The following RYR3 variants were observed in gnomAD, a reference collection of about 807,000 sequenced individuals.
The protein encoded by RYR3 is ryanodine receptor 3.
RYR3 carries 207 observed loss-of-function variants against 584.3 expected under a neutral mutation model. The observed-to-expected ratio is 0.35, with a 90% confidence interval of 0.32 to 0.40. RYR3 has a LOEUF of 0.40. Among genes scored for constraint, RYR3 ranks in the 10% least tolerant of loss-of-function variants. The pLI is 1.00. For synonymous variants in RYR3, 2,416 were observed against 2,248.5 expected (o/e 1.07, Z -2.11); for missense variants, 5,616 against 6,089.2 (o/e 0.92, Z 2.59).
chr15:33,848,408 G>C lies in RYR3; in HGVS notation c.13615G>C (p.Val4539Leu). The C allele has an allele frequency of 6.2e-7, 1 of 1,612,956 alleles. No homozygotes were observed. The highest frequency in any genetic ancestry group is 1.7e-5 in the Admixed American group (1 of 59,914). The change falls in exon 94 of 104, where the codon GTG (valine) becomes CTG (leucine). Residue 4539 changes from valine to leucine, a missense_variant. By Grantham distance (32) the Val-to-Leu change is conservative (BLOSUM62 1). Transcript: ENST00000634891. ...CATCAAGGGGCAGTGGGACCGCTTG[G>C]TGATCAACACACCGTGAGTGTCCCT... ...DDIKGQWDRL[V>L]INTPSFPNNY...
intron 14 of RYR3, among the ~76,000 whole-genome samples, chr15:33,583,218 C>T (rs2058681418): frequency 6.6e-6 from 1 of 152,134 alleles, no homozygotes. Flanking sequence ...ATCCAGGGAC[C>T]ATGACTCAAG....
At chr15:33,621,948 A>G (rs2060746282) in intron 19 of RYR3, among the ~76,000 whole-genome samples, 1 of 152,158 alleles carries the variant, frequency 6.6e-6, no homozygotes, top group East Asian at 1.9e-4. Context: ...TTGCCAAATC[A>G]TAACTTTTCT....
At chr15:33,858,143 G>A (rs552883636) in intron 99 of RYR3, 136 of 562,000 alleles carry the variant, frequency 2.4e-4, no homozygotes, top group Non-Finnish European at 3.8e-4. Context: ...TAAGCCCCGT[G>A]GAAAGGGAAG....
Position 33,798,851 on chromosome 15 carries a change from A to G in RYR3, c.9831-1919A>G, listed in dbSNP as rs557458455. 2.1e-3 allele frequency among the ~76,000 whole-genome samples: 326 copies of G among 152,326 alleles called. 1 individual carries two copies. Among genetic ancestry groups the G allele is most frequent in the African/African-American group, 7.5e-3 (312 of 41,570 alleles). On this transcript the variant is annotated intron_variant, in intron 67 of 103. Coordinates refer to ENST00000634891, the MANE Select transcript of RYR3 (RefSeq NM_001036.6). ...AAGGGCAGTAAGGAATTCAGGAGATAAGAGAAGGATCCCAAAGTGATCTTG... is the reference window on the plus strand; with the variant it reads ...AAGGGCAGTAAGGAATTCAGGAGATGAGAGAAGGATCCCAAAGTGATCTTG...
intron 1 of RYR3, among the ~76,000 whole-genome samples, chr15:33,317,377 C>T (rs1968336209): frequency 2.0e-5 from 3 of 152,146 alleles, no homozygotes; most frequent in Admixed American, 2.0e-4. Flanking sequence ...GAGAGCCCAG[C>T]CAGTGGTGAG....
At chr15:33,713,205 ATGG>A (rs2067243850) in intron 43 of RYR3, among the ~76,000 whole-genome samples, 1 of 152,006 alleles carries the variant, frequency 6.6e-6, no homozygotes, top group Non-Finnish European at 1.5e-5. Flanking sequence ...ATGGTAGATG[ATGG>A]TGGGTGGTGG....
intron 2 of RYR3, among the ~76,000 whole-genome samples, chr15:33,498,814 T>C (rs527732601): frequency 6.6e-6 from 1 of 152,336 alleles, no homozygotes; most frequent in Non-Finnish European, 1.5e-5. Flanking sequence ...TTTCCAGTCT[T>C]GCATTTAAGT....
At chr15:33,425,739 T>TCC (rs2044575180) in intron 1 of RYR3, among the ~76,000 whole-genome samples, 1 of 148,536 alleles carries the variant, frequency 6.7e-6, no homozygotes, top group Non-Finnish European at 1.5e-5. Flanking sequence ...CCTCCCGGGT[T>TCC]CATGCCATTC....
chr15:33,738,765 T>C (rs765210308), intron 50 of RYR3, among the ~76,000 whole-genome samples, 175 bp downstream of exon 50: 1 of 152,204 alleles, frequency 6.6e-6, no homozygotes, highest in African/African-American at 2.4e-5. Context: ...TCAAAATCCT[T>C]ATTTTACAGG....
chr15:33,742,352 T>C lies in RYR3; in HGVS notation c.7821-14T>C, dbSNP rs752397403. On this transcript the variant is annotated splice_polypyrimidine_tract_variant and intron_variant, in intron 51 of 103. Coordinates refer to ENST00000634891, the MANE Select transcript of RYR3 (RefSeq NM_001036.6). Reference sequence around the variant, plus strand: ...TGCTTGGGGAGGTTGTAATTTTTTTTCCTCATTTCACAGTTTTTCCTTGCC... The same window carrying C: ...TGCTTGGGGAGGTTGTAATTTTTTTCCCTCATTTCACAGTTTTTCCTTGCC... The C allele has an allele frequency of 6.3e-7, 1 of 1,586,628 alleles. No individual in the cohort carries two copies. The highest frequency in any genetic ancestry group is 1.1e-5 in the South Asian group (1 of 90,476).
intron 1 of RYR3, among the ~76,000 whole-genome samples, chr15:33,421,519 T>C (rs1207070708): frequency 6.6e-6 from 1 of 152,146 alleles, no homozygotes; most frequent in African/African-American, 2.4e-5. Flanking sequence ...AGGAAGCCTC[T>C]AGGATGATGT....
At chr15:33,446,490 T>C (rs1369524107) in intron 1 of RYR3, among the ~76,000 whole-genome samples, 3 of 152,290 alleles carry the variant, frequency 2.0e-5, no homozygotes, top group African/African-American at 7.2e-5. Flanking sequence ...ACAGATTTGG[T>C]TTCTTCTGAG....
At position 33,462,185 on chromosome 15, in the gene RYR3, A is replaced by G. The variant is rs189393147; in HGVS notation, c.52-11234A>G. ...TTTCATTAACATCTACTAACTTTATAGAGCATCTTTTTTTGAAAAAGGTAG... is the reference window on the plus strand; with the variant it reads ...TTTCATTAACATCTACTAACTTTATGGAGCATCTTTTTTTGAAAAAGGTAG... On this transcript the variant is annotated intron_variant, in intron 1 of 103. Coordinates refer to ENST00000634891, the MANE Select transcript of RYR3 (RefSeq NM_001036.6). Among the ~76,000 whole-genome samples, 9 of 152,324 alleles carry G rather than the reference A, an allele frequency of 5.9e-5. No individual in the cohort carries two copies. The East Asian group carries it at 1.7e-3, about 29-fold the overall frequency.
chr15:33,795,794 G>A (rs1243492429), intron 67 of RYR3, among the ~76,000 whole-genome samples: 1 of 152,166 alleles, frequency 6.6e-6, no homozygotes, highest in Non-Finnish European at 1.5e-5. Flanking sequence ...GCCTCCCAAA[G>A]TGCTGGGATT....
intron 84 of RYR3, among the ~76,000 whole-genome samples, chr15:33,826,984 A>G (rs1338031346): frequency 6.6e-6 from 1 of 152,222 alleles, no homozygotes; most frequent in African/African-American, 2.4e-5. Context: ...CTTTCCATCT[A>G]GCCCCTTGGG....
At chr15:33,646,284 G>A in intron 28 of RYR3, 67 bp from the exon 29 acceptor site, 1 of 1,420,830 alleles carries the variant, frequency 7.0e-7, no homozygotes, top group Non-Finnish European at 9.6e-7. Context: ...TGTCCACGAG[G>A]GAAAAAGGGA....
At chr15:33,729,821 T>A (rs1480910960) in intron 47 of RYR3, among the ~76,000 whole-genome samples, 1 of 152,152 alleles carries the variant, frequency 6.6e-6, no homozygotes, top group Non-Finnish European at 1.5e-5. Flanking sequence ...ATAACATTTC[T>A]CAAAGGCTCC....
chr15:33,750,028 A>G lies in RYR3; in HGVS notation c.8249A>G (p.Lys2750Arg). 1 of 1,612,536 alleles carries G rather than the reference A, an allele frequency of 6.2e-7. No individual in the cohort carries two copies. Among genetic ancestry groups the G allele is most frequent in the South Asian group, 1.1e-5 (1 of 90,432 alleles). The change falls in exon 56 of 104, where the codon AAG becomes AGG. Residue 2750 changes from lysine (K) to arginine (R), a missense_variant. Physicochemically the swap from Lys to Arg is conservative, Grantham distance 26. This residue lies in a region of RYR3 where 1,280 missense variants were observed against 1,426.2 expected (regional missense o/e 0.90). Coordinates refer to ENST00000634891, the MANE Select transcript of RYR3 (RefSeq NM_001036.6). The stretch of plus-strand genomic sequence containing the variant: ...AACTATCACAATATCTGGGCCAAGA[A>G]GAAGAAGCTGGAGCTGGAGAGCAAA... The part of the protein sequence containing the change: ...AENYHNIWAK[K>R]KKLELESKGG...
At chr15:33,387,939 GAA>G (rs1654223460) in intron 1 of RYR3, among the ~76,000 whole-genome samples, 2 of 151,308 alleles carry the variant, frequency 1.3e-5, no homozygotes, top group South Asian at 4.2e-4. Flanking sequence ...ACAGAGGAAA[GAA>G]AGAGGAGGAA....
Sources: allele counts gnomAD v4.1 joint callset (sites outside exome capture counted in the v4.1 genomes callset), GRCh38; gene constraint gnomAD v4.1.1; regional missense constraint gnomAD v4.1.1; transcripts MANE v1.5; gene names NCBI Gene and HGNC (gene_info 2026-07-23, HGNC 2026-07-21).